SMARCA2: variants seen among roughly 807,000 people sequenced by gnomAD.
SMARCA2 encodes SWI/SNF related BAF chromatin remodeling complex subunit ATPase 2.
A neutral mutation model predicts 199.8 loss-of-function variants in SMARCA2; 61 were observed. That is an observed-to-expected ratio of 0.31 (90% CI 0.25 to 0.38). The LOEUF (loss-of-function observed/expected upper bound fraction) is 0.38, where lower values mean the gene tolerates loss of function less well. Ranked by LOEUF, SMARCA2 falls within the 10% of genes least tolerant of loss-of-function variation. SMARCA2 has a pLI of 1.00. For missense variants in SMARCA2, 1,344 were observed against 2,012.2 expected (o/e 0.67, Z 6.35); for synonymous variants, 935 against 732.0 (o/e 1.28, Z -4.48).
chr9:2,120,365 T>TG (rs201094102), intron 26 of SMARCA2, among the ~76,000 whole-genome samples: 3,827 of 152,228 alleles, frequency 0.025, 97 homozygotes, highest in Non-Finnish European at 0.032. Context: ...GCTTTGTCTA[T>TG]GGGGGGACAG....
At chr9:2,057,885 G>A (rs1820425493) in intron 7 of SMARCA2, among the ~76,000 whole-genome samples, 1 of 152,146 alleles carries the variant, frequency 6.6e-6, no homozygotes, top group African/African-American at 2.4e-5. Flanking sequence ...GGTAGTTAGA[G>A]CAGAAAAACA....
chr9:2,068,783 A>G (rs1252157383), intron 9 of SMARCA2, among the ~76,000 whole-genome samples: 1 of 152,110 alleles, frequency 6.6e-6, no homozygotes, highest in Non-Finnish European at 1.5e-5. Context: ...CAGTAACTTT[A>G]AAATAGTGAT....
chr9:2,058,284 C>A lies in SMARCA2; in HGVS notation c.1348-7C>A. 1.9e-6 allele frequency: 3 copies of A among 1,611,504 alleles called. No individual in the cohort carries two copies. Among genetic ancestry groups the A allele is most frequent in the Non-Finnish European group, 2.5e-6 (3 of 1,178,532 alleles). On this transcript the variant is annotated splice_region_variant and splice_polypyrimidine_tract_variant and intron_variant, in intron 7 of 33. Coordinates refer to ENST00000349721, the MANE Select transcript of SMARCA2 (RefSeq NM_003070.5). Reference sequence around the variant, plus strand: ...GTATCCTTTTCTTCCCTTTTTGGATCTTCTAGGAATACCTGAACAGTATTT... The same window carrying A: ...GTATCCTTTTCTTCCCTTTTTGGATATTCTAGGAATACCTGAACAGTATTT...
At position 2,047,348 on chromosome 9, in the gene SMARCA2, G is replaced by C; in HGVS notation, c.910G>C (p.Gly304Arg). Residue 304 changes from glycine to arginine, a missense_variant, in exon 5 of 34, where the codon GGG becomes CGG. Physicochemically the swap from Gly to Arg is moderately radical, Grantham distance 125 (BLOSUM62 -2). Around this residue, in one of 18 missense-constraint regions of SMARCA2, gnomAD observed 117 missense variants for 99.1 expected, o/e 1.18. Coordinates refer to ENST00000349721, the MANE Select transcript of SMARCA2 (RefSeq NM_003070.5). ...GCAGCCGCCCGCGGCCGCAGTGCCC[G>C]GGCCCTCAGTGCCGCAGCCGGCCCC... ...AAQPPAAAVP[G>R]PSVPQPAPGQ... 1 of 1,432,020 alleles carries C rather than the reference G, an allele frequency of 7.0e-7. No individual in the cohort carries two copies. Among genetic ancestry groups the C allele is most frequent in the Non-Finnish European group, 9.2e-7 (1 of 1,083,342 alleles). 88.7% of individuals were successfully genotyped at this position (1,432,020 alleles called of 1,614,324 possible). A position where few individuals can be genotyped will look rare whatever the true frequency, so the allele number is the denominator to read the frequency against.
intron 5 of SMARCA2, among the ~76,000 whole-genome samples, chr9:2,051,515 A>T (rs1001879400): frequency 6.6e-6 from 1 of 152,096 alleles, no homozygotes; most frequent in Admixed American, 6.5e-5. Flanking sequence ...GTTCAATGTG[A>T]TGTAATCTCT....
In SMARCA2 at chr9:2,123,105, A is replaced by C. The variant is rs1400635936; in HGVS notation, c.3763-614A>C. Among the ~76,000 whole-genome samples, 1 of 152,250 alleles carries C rather than the reference A, an allele frequency of 6.6e-6. No individual in the cohort carries two copies. The highest frequency in any genetic ancestry group is 1.9e-4 in the East Asian group (1 of 5,204). ...CAAAGCTTAAAATGTAAAGAATTGA[A>C]GAGCATTCCTCAGACAGTGCCCATG... On this transcript the variant is annotated intron_variant, in intron 26 of 33. Coordinates refer to ENST00000349721, the MANE Select transcript of SMARCA2 (RefSeq NM_003070.5). This position sits in a 1 kb window ranked among gnomAD's most constrained non-coding sequence, Gnocchi z 4.1.
intron 28 of SMARCA2, among the ~76,000 whole-genome samples, chr9:2,166,770 T>C (rs1229670449): frequency 6.6e-6 from 1 of 152,182 alleles, no homozygotes; most frequent in Non-Finnish European, 1.5e-5. Flanking sequence ...ATCCTTAAGG[T>C]TGGCTACCCA....
intron 2 of SMARCA2, among the ~76,000 whole-genome samples, chr9:2,031,902 G>C (rs1586626567): frequency 6.6e-6 from 1 of 152,196 alleles, no homozygotes; most frequent in East Asian, 1.9e-4. Flanking sequence ...AACATTACTG[G>C]AAATAAATAA....
chr9:2,170,390 ACT>A lies in SMARCA2; in HGVS notation c.4200-26_4200-25del, dbSNP rs1000737491. ...CGGGGACGAGAACCCAGGTCTTCTG[ACT>A]CTAGTGTTCTTTCTACTCTACCGCA... On this transcript the variant is annotated intron_variant, in intron 28 of 33. Coordinates refer to ENST00000349721, the MANE Select transcript of SMARCA2 (RefSeq NM_003070.5). The surrounding 1 kb of genome is among the most constrained non-coding windows in gnomAD (Gnocchi z 4.7). The A allele has an allele frequency of 1.2e-6, 2 of 1,613,660 alleles. No individual in the cohort carries two copies. The highest frequency in any genetic ancestry group is 1.7e-6 in the Non-Finnish European group (2 of 1,179,796).
Position 2,157,773 on chromosome 9 carries a change from C to T in SMARCA2, c.3982-3913C>T, listed in dbSNP as rs1440427116. 6 of 396,564 alleles carry T rather than the reference C, an allele frequency of 1.5e-5. No individual in the cohort carries two copies. The East Asian group carries it at 1.8e-4, about 12-fold the overall frequency. 24.6% of individuals were successfully genotyped at this position (396,564 alleles called of 1,614,324 possible). On this transcript the variant is annotated intron_variant, in intron 27 of 33. Transcript: ENST00000349721. Reference sequence around the variant, plus strand: ...TTACCTATTCATAATCATGGATCCCCTCTGCTTTGTGATACTGTGAACCAC... The same window carrying T: ...TTACCTATTCATAATCATGGATCCCTTCTGCTTTGTGATACTGTGAACCAC...
chr9:2,040,039 C>G (rs1387540048), intron 4 of SMARCA2, 139 bp downstream of exon 4: 27 of 1,447,070 alleles, frequency 1.9e-5, no homozygotes, highest in Non-Finnish European at 2.5e-5. Context: ...TATCCTTGCT[C>G]CACTTAGATG....
At position 2,113,200 on chromosome 9, in the gene SMARCA2, A is replaced by C. The variant is rs183029688; in HGVS notation, c.3457-2622A>C. On this transcript the variant is annotated intron_variant, in intron 24 of 33. Transcript: ENST00000349721. ...ACATAGGTTGACAGATAGAGGCCTT[A>C]ATGTTGCTGATTGAGGACCCTACCT... Among the ~76,000 whole-genome samples the C allele has an allele frequency of 2.0e-5, 3 of 152,308 alleles. No homozygotes were observed. The East Asian group carries it at 5.8e-4, about 29-fold the overall frequency.
chr9:2,052,634 A>T (rs1286148536), intron 5 of SMARCA2, among the ~76,000 whole-genome samples: 1 of 152,240 alleles, frequency 6.6e-6, no homozygotes, highest in Non-Finnish European at 1.5e-5. Flanking sequence ...GTCCCTGAAA[A>T]ATAGTTTTCC....
At chr9:2,187,555 A>G (rs1467944283) in intron 32 of SMARCA2, among the ~76,000 whole-genome samples, 2 of 152,126 alleles carry the variant, frequency 1.3e-5, no homozygotes, top group Admixed American at 6.5e-5. Context: ...GCACGTGTCT[A>G]TAGTCCCAGC....
chr9:2,099,550 T>G (rs1371465738), intron 21 of SMARCA2, among the ~76,000 whole-genome samples: 1 of 152,106 alleles, frequency 6.6e-6, no homozygotes, highest in African/African-American at 2.4e-5. Context: ...GGAAGCGAAG[T>G]TGAAGGTGCA....
At chr9:2,054,758 G>C (rs189148570) in intron 6 of SMARCA2, 35 bp downstream of exon 6, 1 of 1,609,554 alleles carries the variant, frequency 6.2e-7, no homozygotes, top group South Asian at 1.1e-5. Flanking sequence ...TGAGATGTAG[G>C]AAATAAATGT....
At chr9:2,147,907 G>A (rs1031496877) in intron 27 of SMARCA2, among the ~76,000 whole-genome samples, 1 of 150,618 alleles carries the variant, frequency 6.6e-6, no homozygotes, top group African/African-American at 2.4e-5. Context: ...ACAGCTCATT[G>A]CAGCCTCCCT....
intron 9 of SMARCA2, among the ~76,000 whole-genome samples, chr9:2,065,584 A>G (rs887110367): frequency 3.9e-5 from 6 of 152,214 alleles, no homozygotes; most frequent in Non-Finnish European, 8.8e-5. Flanking sequence ...CTGTTTAGAT[A>G]CCAGAATGTC....
chr9:2,136,063 A>G (rs372877900), intron 27 of SMARCA2, among the ~76,000 whole-genome samples: 6 of 147,986 alleles, frequency 4.1e-5, no homozygotes, highest in South Asian at 2.2e-4. Flanking sequence ...GCTGGTCTCG[A>G]ACTCCTGATC....
Sources: allele counts gnomAD v4.1 joint callset (sites outside exome capture counted in the v4.1 genomes callset), GRCh38; gene constraint gnomAD v4.1.1; regional missense constraint gnomAD v4.1.1; non-coding constraint Gnocchi (gnomAD v3.1); transcripts MANE v1.5; gene names NCBI Gene and HGNC (gene_info 2026-07-23, HGNC 2026-07-21).